MED28: variants seen among roughly 807,000 people sequenced by gnomAD.
MED28 encodes the protein mediator complex subunit 28.
Under a neutral mutation model 21.3 loss-of-function variants are expected in MED28, and 26 were observed. That is an observed-to-expected ratio of 1.22 (90% CI 0.89 to 1.69). The LOEUF (loss-of-function observed/expected upper bound fraction) is 1.69. Among genes scored for constraint, MED28 ranks in the 40% most tolerant of loss-of-function variants. The pLI, the probability that MED28 is intolerant of heterozygous loss-of-function variation, is 0.00. For missense variants in MED28, 257 were observed against 215.4 expected (o/e 1.19, Z -1.21); for synonymous variants, 110 against 87.6 (o/e 1.26, Z -1.43).
In MED28 at chr4:17,633,626, C is replaced by G. The variant is rs1275620900; in HGVS notation, c.*9828C>G. 7.4e-6 allele frequency: 10 copies of G among 1,350,872 alleles called. No homozygotes were observed. The highest frequency in any genetic ancestry group is 8.7e-6 in the Non-Finnish European group (9 of 1,036,014). The allele number at this position is 1,350,872 out of a possible 1,614,324, so 83.7% of individuals were successfully genotyped here. A position where few individuals can be genotyped will look rare whatever the true frequency, so the allele number is the denominator to read the frequency against. On this transcript the variant is annotated 3_prime_UTR_variant, in exon 4 of 4. Coordinates refer to ENST00000237380, the MANE Select transcript of MED28 (RefSeq NM_025205.5). ...TTGGTACCAGGTGCTAGAAAGAATC[C>G]TACTTCCCCTCTTATCTACAGGGAA...
chr4:17,623,821 C>T lies in MED28; in HGVS notation c.*23C>T, dbSNP rs377547213. The T allele has an allele frequency of 8.1e-5, 130 of 1,603,280 alleles. No homozygotes were observed. The highest frequency in any genetic ancestry group is 1.0e-4 in the Non-Finnish European group (122 of 1,173,760). ...TGAGCAAAGGGCAGAGGCAGTTGGC[C>T]TATGAGTGGGCTGATGCGTGAGGTT... On this transcript the variant is annotated 3_prime_UTR_variant, in exon 4 of 4. Coordinates refer to ENST00000237380, the MANE Select transcript of MED28 (RefSeq NM_025205.5).
In MED28 at chr4:17,614,700, C is replaced by T. The variant is rs759426356; in HGVS notation, c.46C>T (p.Pro16Ser). ...GGMFSGQPPG[P>S]PQAPPGLPGQ... ...TATGTTTTCTGGGCAGCCACCCGGT[C>T]CCCCTCAGGCCCCGCCGGGCCTTCC... Residue 16 changes from proline (P) to serine (S), a missense_variant, in exon 1 of 4, where the codon CCC becomes TCC. Physicochemically the swap from Pro to Ser is moderately conservative, Grantham distance 74 (BLOSUM62 -1). Coordinates refer to ENST00000237380, the MANE Select transcript of MED28 (RefSeq NM_025205.5). 4 of 1,614,048 alleles carry T rather than the reference C, an allele frequency of 2.5e-6. No homozygotes were observed. Among genetic ancestry groups the T allele is most frequent in the Admixed American group, 1.7e-5 (1 of 60,000 alleles).
Position 17,623,588 on chromosome 4 carries a change from C to CT in MED28, c.340-10dup, listed in dbSNP as rs1317760022. ...GCATTTGCTCTGACTTAGTCCATGA[C>CT]TTTCATCTGCAGGATGTGTCAGAAC... On this transcript the variant is annotated splice_polypyrimidine_tract_variant and intron_variant, in intron 3 of 3. Transcript: ENST00000237380. 1 of 1,613,100 alleles carries CT rather than the reference C, an allele frequency of 6.2e-7. No individual in the cohort carries two copies.
At position 17,632,275 on chromosome 4, in the gene MED28, A is replaced by C. The variant is rs1472261389; in HGVS notation, c.*8477A>C. 3 of 263,302 alleles carry C rather than the reference A, an allele frequency of 1.1e-5. No homozygotes were observed. Among genetic ancestry groups the C allele is most frequent in the Admixed American group, 4.6e-5 (1 of 21,576 alleles). The allele number at this position is 263,302 out of a possible 1,614,324, so 16.3% of individuals were successfully genotyped here. ...TATTTTGTAGAGATGGGGTTTCACC[A>C]TATTGGCCAGGCTGGTCTCAAATTC... On this transcript the variant is annotated 3_prime_UTR_variant, in exon 4 of 4. Coordinates refer to ENST00000237380, the MANE Select transcript of MED28 (RefSeq NM_025205.5).
chr4:17,614,700 C>A lies in MED28; in HGVS notation c.46C>A (p.Pro16Thr), dbSNP rs759426356. 4 of 1,614,166 alleles carry A rather than the reference C, an allele frequency of 2.5e-6. No individual in the cohort carries two copies. Among genetic ancestry groups the A allele is most frequent in the South Asian group, 2.2e-5 (2 of 91,080 alleles). The change falls in exon 1 of 4, where the codon CCC (proline) becomes ACC (threonine). Residue 16 changes from proline to threonine, a missense_variant. Coordinates refer to ENST00000237380, the MANE Select transcript of MED28 (RefSeq NM_025205.5). ...GGMFSGQPPG[P>T]PQAPPGLPGQ... ...TATGTTTTCTGGGCAGCCACCCGGT[C>A]CCCCTCAGGCCCCGCCGGGCCTTCC...
In MED28 at chr4:17,632,569, G is replaced by T; in HGVS notation, c.*8771G>T. On this transcript the variant is annotated 3_prime_UTR_variant, in exon 4 of 4. Transcript: ENST00000237380. ...GTACTTGGTGAACCATTCCTGGTGC[G>T]GAGAGCCCTGTTTCTGCTGGACTTC... is the stretch of plus-strand genomic sequence containing the variant. 6.4e-7 allele frequency: 1 copy of T among 1,551,370 alleles called. No individual in the cohort carries two copies. Among genetic ancestry groups the T allele is most frequent in the South Asian group, 1.2e-5 (1 of 84,058 alleles).
intron 1 of MED28, among the ~76,000 whole-genome samples, chr4:17,617,917 A>G (rs1398425284): frequency 6.6e-6 from 1 of 151,502 alleles, no homozygotes; most frequent in African/African-American, 2.4e-5. Flanking sequence ...AAAAAAAAAT[A>G]TATGTTCTCT....
chr4:17,625,649 T>C lies in MED28; in HGVS notation c.*1851T>C. 4.5e-6 allele frequency: 2 copies of C among 448,220 alleles called. No individual in the cohort carries two copies. The highest frequency in any genetic ancestry group is 8.9e-6 in the Non-Finnish European group (2 of 225,012). The allele number at this position is 448,220 out of a possible 1,614,324, so 27.8% of individuals were successfully genotyped here. On this transcript the variant is annotated 3_prime_UTR_variant, in exon 4 of 4. Coordinates refer to ENST00000237380, the MANE Select transcript of MED28 (RefSeq NM_025205.5). ...AATAACAATTTTTCAATCTTCTCTG[T>C]TTGTAGACATCTTACTGGGTGATGA...
At position 17,625,352 on chromosome 4, in the gene MED28, A is replaced by C. The variant is rs1050348555; in HGVS notation, c.*1554A>C. The C allele has an allele frequency of 3.2e-5, 6 of 185,318 alleles. No individual in the cohort carries two copies. The highest frequency in any genetic ancestry group is 1.4e-4 in the African/African-American group (6 of 41,960). 11.5% of individuals were successfully genotyped at this position (185,318 alleles called of 1,614,324 possible). A position where few individuals can be genotyped will look rare whatever the true frequency, so the allele number is the denominator to read the frequency against. Reference sequence around the variant, plus strand: ...GACATCAACAAATCCCCTCAGTTACAACGTATAGGTTAAACAAAGCTTTTA... The same window carrying C: ...GACATCAACAAATCCCCTCAGTTACCACGTATAGGTTAAACAAAGCTTTTA... On this transcript the variant is annotated 3_prime_UTR_variant, in exon 4 of 4. Coordinates refer to ENST00000237380, the MANE Select transcript of MED28 (RefSeq NM_025205.5).
rs892660588 is a variant in MED28, at chr4:17,623,717, G to A, written c.456G>A (p.Lys152=). The change falls in exon 4 of 4, where the codon AAG becomes AAA. Residue 152 remains lysine, a synonymous_variant. Coordinates refer to ENST00000237380, the MANE Select transcript of MED28 (RefSeq NM_025205.5). ...VLEDINVQHK[K]PADIPQGSLA... ...AGGACATCAACGTGCAGCACAAAAA[G>A]CCCGCCGACATCCCTCAGGGCTCCT... is the stretch of plus-strand genomic sequence containing the variant. 5 of 1,614,240 alleles carry A rather than the reference G, an allele frequency of 3.1e-6. No homozygotes were observed. Among genetic ancestry groups the A allele is most frequent in the Non-Finnish European group, 4.2e-6 (5 of 1,180,048 alleles).
At chr4:17,616,123 T>A (rs1346820512) in intron 1 of MED28, among the ~76,000 whole-genome samples, 1 of 151,972 alleles carries the variant, frequency 6.6e-6, no homozygotes, top group Non-Finnish European at 1.5e-5. Flanking sequence ...ACCATGCTAT[T>A]TTTTTTATTT....
Position 17,614,832 on chromosome 4 carries a change from G to A in MED28, c.159+19G>A. On this transcript the variant is annotated intron_variant, in intron 1 of 3. Coordinates refer to ENST00000237380, the MANE Select transcript of MED28 (RefSeq NM_025205.5). Reference sequence around the variant, plus strand: ...TTTCGAGGTAATATAAGACATGGGCGTCTTTGTCCCTAGCCTTCCCTTTTT... The same window carrying A: ...TTTCGAGGTAATATAAGACATGGGCATCTTTGTCCCTAGCCTTCCCTTTTT... 1 of 1,581,574 alleles carries A rather than the reference G, an allele frequency of 6.3e-7. No individual in the cohort carries two copies. The highest frequency in any genetic ancestry group is 8.6e-7 in the Non-Finnish European group (1 of 1,164,062).
chr4:17,618,729 G>T (rs1426561024), intron 1 of MED28, among the ~76,000 whole-genome samples: 2 of 91,580 alleles, frequency 2.2e-5, no homozygotes, highest in South Asian at 3.3e-4. Context: ...TGTTAGTTAG[G>T]ATGGTGACTT....
At position 17,633,236 on chromosome 4, in the gene MED28, T is replaced by C. The variant is rs1174402236; in HGVS notation, c.*9438T>C. Reference sequence around the variant, plus strand: ...CAAGCCCGGCCCGATTAAGAGACTTTAGAATTCCAAGGTGATAGAGTAAAT... The same window carrying C: ...CAAGCCCGGCCCGATTAAGAGACTTCAGAATTCCAAGGTGATAGAGTAAAT... On this transcript the variant is annotated 3_prime_UTR_variant, in exon 4 of 4. Coordinates refer to ENST00000237380, the MANE Select transcript of MED28 (RefSeq NM_025205.5). The C allele has an allele frequency of 6.5e-6, 1 of 154,524 alleles. No individual in the cohort carries two copies. The highest frequency in any genetic ancestry group is 1.9e-4 in the East Asian group (1 of 5,238). 9.6% of individuals were successfully genotyped at this position (154,524 alleles called of 1,614,324 possible). A position where few individuals can be genotyped will look rare whatever the true frequency, so the allele number is the denominator to read the frequency against.
intron 3 of MED28, 27 bp downstream of exon 3, chr4:17,621,726 C>T: frequency 6.9e-7 from 1 of 1,451,928 alleles, no homozygotes. Flanking sequence ...CTCCTCAGCT[C>T]TATAGGAAGA....
chr4:17,633,580 T>A lies in MED28; in HGVS notation c.*9782T>A. The A allele has an allele frequency of 9.5e-7, 1 of 1,052,016 alleles. No homozygotes were observed. Among genetic ancestry groups the A allele is most frequent in the Non-Finnish European group, 1.3e-6 (1 of 762,638 alleles). The allele number at this position is 1,052,016 out of a possible 1,614,324, so 65.2% of individuals were successfully genotyped here. ...TCAGTGTCCCTTGTCTAATCATCCA[T>A]GAAAAAAGGCCTTCTGGAATTTGGT... is the stretch of plus-strand genomic sequence containing the variant. On this transcript the variant is annotated 3_prime_UTR_variant, in exon 4 of 4. Transcript: ENST00000237380.
rs1334189176 is a variant in MED28, at chr4:17,631,059, G to C, written c.*7261G>C. ...CTTGTCAAATCACATTGCTCTGTCA[G>C]AAGGTAAGACAAATCAGTGTGGACT... On this transcript the variant is annotated 3_prime_UTR_variant, in exon 4 of 4. Coordinates refer to ENST00000237380, the MANE Select transcript of MED28 (RefSeq NM_025205.5). The C allele has an allele frequency of 1.3e-5, 2 of 152,212 alleles. No homozygotes were observed. The highest frequency in any genetic ancestry group is 4.8e-5 in the African/African-American group (2 of 41,450). 9.4% of individuals were successfully genotyped at this position (152,212 alleles called of 1,614,324 possible).
At position 17,624,885 on chromosome 4, in the gene MED28, A is replaced by C. The variant is rs1248963945; in HGVS notation, c.*1087A>C. The C allele has an allele frequency of 1.3e-5, 2 of 152,118 alleles. No homozygotes were observed. The highest frequency in any genetic ancestry group is 2.9e-5 in the Non-Finnish European group (2 of 68,036). The allele number at this position is 152,118 out of a possible 1,614,324, so 9.4% of individuals were successfully genotyped here. On this transcript the variant is annotated 3_prime_UTR_variant, in exon 4 of 4. Coordinates refer to ENST00000237380, the MANE Select transcript of MED28 (RefSeq NM_025205.5). ...GATTCCCTGTTGAGTTGCTGTTAAG[A>C]AATGGAGATTTCTGGCTCTCATTGG...
intron 1 of MED28, among the ~76,000 whole-genome samples, chr4:17,618,302 G>A (rs1016052838): frequency 3.9e-5 from 6 of 151,950 alleles, no homozygotes; most frequent in Non-Finnish European, 5.9e-5. Context: ...CCACCATGTC[G>A]GACCCTAAAT....
Sources: allele counts gnomAD v4.1 joint callset (sites outside exome capture counted in the v4.1 genomes callset), GRCh38; gene constraint gnomAD v4.1.1; transcripts MANE v1.5; gene names NCBI Gene and HGNC (gene_info 2026-07-23, HGNC 2026-07-21).